Variants in RALGPS1 observed in about 807,000 individuals in gnomAD.
The protein encoded by RALGPS1 is ras-specific guanine nucleotide-releasing factor RalGPS1.
Under a neutral mutation model 78.8 loss-of-function variants are expected in RALGPS1, and 19 were observed. The observed-to-expected ratio is 0.24, with a 90% confidence interval of 0.17 to 0.35. The LOEUF (loss-of-function observed/expected upper bound fraction) is 0.35, where lower values mean the gene tolerates loss of function less well. Among genes scored for constraint, RALGPS1 ranks in the 10% least tolerant of loss-of-function variants. The pLI, the probability that RALGPS1 is intolerant of heterozygous loss-of-function variation, is 1.00. For synonymous variants in RALGPS1, 228 were observed against 256.3 expected (o/e 0.89, Z 1.06); for missense variants, 454 against 688.3 (o/e 0.66, Z 3.81).
intron 11 of RALGPS1, chr9:127,184,045 A>G (rs1333846793): frequency 6.5e-7 from 1 of 1,547,610 alleles, no homozygotes; most frequent in Admixed American, 2.0e-5. Flanking sequence ...ATCAAGGTCA[A>G]CCAGGTGCAG....
chr9:127,065,074 G>A, intron 7 of RALGPS1, among the ~76,000 whole-genome samples: 1 of 151,674 alleles, frequency 6.6e-6, no homozygotes, highest in East Asian at 1.9e-4. Flanking sequence ...TGAATAGCTG[G>A]GACTACAAGT....
chr9:127,077,603 G>A (rs939215067), intron 8 of RALGPS1, among the ~76,000 whole-genome samples: 1 of 152,222 alleles, frequency 6.6e-6, no homozygotes, highest in Admixed American at 6.5e-5. Context: ...CCCTTGTCAG[G>A]ATTAGCAATA....
intron 10 of RALGPS1, among the ~76,000 whole-genome samples, chr9:127,171,209 A>T (rs765319951): frequency 1.3e-5 from 2 of 152,176 alleles, no homozygotes; most frequent in African/African-American, 2.4e-5. Context: ...TTAAGTGAAC[A>T]TACTTTTGGA....
intron 8 of RALGPS1, among the ~76,000 whole-genome samples, chr9:127,148,855 A>C (rs1484880554): frequency 6.6e-6 from 1 of 152,226 alleles, no homozygotes; most frequent in Non-Finnish European, 1.5e-5. Context: ...ATGGAACAGA[A>C]TGTGGGGATG....
intron 18 of RALGPS1, chr9:127,217,051 A>C: frequency 6.9e-7 from 1 of 1,451,720 alleles, no homozygotes; most frequent in Non-Finnish European, 9.1e-7. Context: ...GGTAGCCCTG[A>C]GTAAAACCCA....
rs116246372 is a variant in RALGPS1 at position 127,005,278 on chromosome 9, G to A, written c.216+27533G>A. Among the ~76,000 whole-genome samples, 1,363 of 152,298 alleles carry A rather than the reference G, an allele frequency of 8.9e-3. 23 individuals are homozygous for A. Among genetic ancestry groups the A allele is most frequent in the African/African-American group, 0.031 (1,293 of 41,550 alleles). ...AGCATCCAAGAAGAATTGTTATACT[G>A]CAAACCCTCTGAGAAATTTCAGTCT... On this transcript the variant is annotated intron_variant, in intron 4 of 18. Transcript: ENST00000259351.
intron 18 of RALGPS1, chr9:127,216,769 C>T: frequency 2.6e-6 from 2 of 772,032 alleles, no homozygotes; most frequent in Non-Finnish European, 3.7e-6. Flanking sequence ...TGCCGCCGCC[C>T]CAGCTTGCAT....
chr9:127,123,630 T>G (rs1040698080), intron 8 of RALGPS1, among the ~76,000 whole-genome samples: 1 of 152,208 alleles, frequency 6.6e-6, no homozygotes, highest in Admixed American at 6.5e-5. Context: ...ACACTGGAAC[T>G]GCATCAGAGT....
At chr9:127,160,203 C>T (rs1419820806) in intron 8 of RALGPS1, among the ~76,000 whole-genome samples, 4 of 152,138 alleles carry the variant, frequency 2.6e-5, no homozygotes, top group Admixed American at 2.6e-4. Context: ...TCTGGGCCAT[C>T]GAGTATGGGT....
intron 8 of RALGPS1, among the ~76,000 whole-genome samples, chr9:127,112,949 G>A (rs770575750): frequency 6.6e-6 from 1 of 152,190 alleles, no homozygotes; most frequent in Non-Finnish European, 1.5e-5. Context: ...TTTCTAGGCT[G>A]AGGAAACTGA....
At chr9:127,129,706 T>A (rs2056877632) in intron 8 of RALGPS1, among the ~76,000 whole-genome samples, 2 of 151,812 alleles carry the variant, frequency 1.3e-5, no homozygotes, top group African/African-American at 4.8e-5. Flanking sequence ...ATGTTGGGGG[T>A]TTCAGGGGCA....
chr9:127,169,838 A>G (rs2059474381), intron 10 of RALGPS1, among the ~76,000 whole-genome samples: 2 of 152,188 alleles, frequency 1.3e-5, no homozygotes, highest in Admixed American at 6.5e-5. Context: ...ACGATTTTGT[A>G]AGCTCTTATA....
Position 126,918,766 on chromosome 9 carries a change from G to A in RALGPS1, c.-66+3791G>A, listed in dbSNP as rs565696796. Among the ~76,000 whole-genome samples, 11 of 150,370 alleles carry A rather than the reference G, an allele frequency of 7.3e-5. No individual in the cohort carries two copies. The South Asian group carries it at 1.3e-3, about 17-fold the overall frequency. ...TGGCTCACAGCAACCTCCGCCTCCC[G>A]GGTTCAAGCCATTCTCCTGCCTCAG... On this transcript the variant is annotated intron_variant, in intron 1 of 18. Transcript: ENST00000259351.
chr9:127,056,573 CT>C (rs1203162496), intron 7 of RALGPS1, among the ~76,000 whole-genome samples: 1 of 152,184 alleles, frequency 6.6e-6, no homozygotes, highest in African/African-American at 2.4e-5. Context: ...AACTCATCAT[CT>C]TTTTCTTTCA....
intron 8 of RALGPS1, among the ~76,000 whole-genome samples, chr9:127,072,379 A>T (rs940176874): frequency 3.3e-5 from 5 of 151,948 alleles, no homozygotes; most frequent in African/African-American, 1.2e-4. Flanking sequence ...CGTCCAGCTA[A>T]TTTTTTTGTA....
intron 1 of RALGPS1, among the ~76,000 whole-genome samples, chr9:126,941,465 A>G (rs951141669): frequency 5.3e-5 from 8 of 152,332 alleles, no homozygotes; most frequent in African/African-American, 1.7e-4. Flanking sequence ...AAAATTAAAA[A>G]TAAGTGTAAA....
At chr9:127,116,867 C>T (rs1262837675) in intron 8 of RALGPS1, among the ~76,000 whole-genome samples, 1 of 152,044 alleles carries the variant, frequency 6.6e-6, no homozygotes, top group African/African-American at 2.4e-5. Flanking sequence ...GCCACTTGTC[C>T]AGGGGCACAG....
chr9:127,077,689 C>A (rs899290067), intron 8 of RALGPS1, among the ~76,000 whole-genome samples: 4 of 152,236 alleles, frequency 2.6e-5, no homozygotes, highest in South Asian at 2.1e-4. Context: ...TGCAGGAAAT[C>A]CAGCCTTTTT....
At chr9:126,994,226 A>C (rs1165503281) in intron 4 of RALGPS1, among the ~76,000 whole-genome samples, 1 of 152,068 alleles carries the variant, frequency 6.6e-6, no homozygotes, top group African/African-American at 2.4e-5. Flanking sequence ...TGATCAAACT[A>C]CCCCGAGCTA....
Sources: allele counts gnomAD v4.1 joint callset (sites outside exome capture counted in the v4.1 genomes callset), GRCh38; gene constraint gnomAD v4.1.1; transcripts MANE v1.5; gene names NCBI Gene and HGNC (gene_info 2026-07-23, HGNC 2026-07-21).